Variants in CDKAL1 observed in about 807,000 individuals in gnomAD.
The protein encoded by CDKAL1 is threonylcarbamoyladenosine tRNA methylthiotransferase.
A neutral mutation model predicts 68.2 loss-of-function variants in CDKAL1; 32 were observed. The ratio of observed to expected loss-of-function variants is 0.47; its 90% CI spans 0.35 to 0.63. The LOEUF (loss-of-function observed/expected upper bound fraction) is 0.63. Among genes scored for constraint, CDKAL1 ranks in the 30% least tolerant of loss-of-function variants. The pLI is 0.00. For missense variants in CDKAL1, 606 were observed against 696.7 expected, an observed-to-expected ratio of 0.87 and a Z score of 1.47; for synonymous variants, 234 against 244.3, an observed-to-expected ratio of 0.96 and a Z score of 0.39.
chr6:21,086,978 C>A (rs1226235064), intron 12 of CDKAL1, among the ~76,000 whole-genome samples: 1 of 152,128 alleles, frequency 6.6e-6, no homozygotes, highest in Non-Finnish European at 1.5e-5. Context: ...TAAAATGGCA[C>A]CCCAAACCTC....
intron 9 of CDKAL1, among the ~76,000 whole-genome samples, chr6:20,897,415 G>A (rs1174565802): frequency 6.6e-6 from 1 of 151,972 alleles, no homozygotes; most frequent in East Asian, 1.9e-4. Flanking sequence ...TATAGCAGAG[G>A]CCTCCCAATC....
At chr6:20,889,038 T>C (rs2150575048) in intron 9 of CDKAL1, among the ~76,000 whole-genome samples, 1 of 152,280 alleles carries the variant, frequency 6.6e-6, no homozygotes, top group South Asian at 2.1e-4. Context: ...ACCTGTTGTT[T>C]CCTGACTTTT....
At chr6:20,860,933 ATTT>A (rs70990075) in intron 9 of CDKAL1, among the ~76,000 whole-genome samples, 25 of 134,170 alleles carry the variant, frequency 1.9e-4, no homozygotes, top group Non-Finnish European at 2.1e-4. Flanking sequence ...AGTGTGGTCT[ATTT>A]TTTTTTTTTT....
intron 12 of CDKAL1, among the ~76,000 whole-genome samples, chr6:21,103,535 A>G (rs1245501185): frequency 6.6e-6 from 1 of 152,176 alleles, no homozygotes; most frequent in Non-Finnish European, 1.5e-5. Context: ...AGAGGTTCAG[A>G]TTCTCGGGAA....
chr6:20,593,615 A>G (rs1321184728), intron 4 of CDKAL1, among the ~76,000 whole-genome samples: 1 of 128,790 alleles, frequency 7.8e-6, no homozygotes, highest in South Asian at 2.4e-4. Context: ...TAAAAAAAAA[A>G]AAAGAAACCC....
intron 6 of CDKAL1, chr6:20,756,910 T>TCCCTCCATC (rs1276159128): frequency 8.2e-6 from 1 of 122,212 alleles, no homozygotes; most frequent in Non-Finnish European, 1.7e-5. Context: ...CTTCCTTCCT[T>TCCCTCCATC]CCTTCCTTCC....
chr6:20,930,985 C>T (rs1268510633), intron 9 of CDKAL1, among the ~76,000 whole-genome samples: 5 of 151,908 alleles, frequency 3.3e-5, no homozygotes, highest in Non-Finnish European at 5.9e-5. Flanking sequence ...CCTCATGATC[C>T]GCCCGCCTCG....
chr6:20,686,596 A>C (rs146424996), intron 5 of CDKAL1, among the ~76,000 whole-genome samples: 24 of 152,324 alleles, frequency 1.6e-4, no homozygotes, highest in Non-Finnish European at 3.4e-4. Context: ...TAATAATAGA[A>C]ATAAAGTGCA....
intron 10 of CDKAL1, among the ~76,000 whole-genome samples, chr6:20,972,321 T>TCAGA (rs1393537830): frequency 6.6e-6 from 1 of 152,204 alleles, no homozygotes; most frequent in East Asian, 1.9e-4. Flanking sequence ...TCATGAGGCC[T>TCAGA]CAGACACAGC....
chr6:21,136,361 A>G (rs1775597738), intron 13 of CDKAL1, among the ~76,000 whole-genome samples: 1 of 152,164 alleles, frequency 6.6e-6, no homozygotes, highest in African/African-American at 2.4e-5. Context: ...GTCTTGACAC[A>G]CTCTCAGGCT....
intron 13 of CDKAL1, among the ~76,000 whole-genome samples, chr6:21,133,285 A>G (rs978375312): frequency 2.0e-5 from 3 of 152,236 alleles, no homozygotes; most frequent in South Asian, 2.1e-4. Context: ...TGTCATCAGT[A>G]CAAACATTAT....
chr6:21,120,282 T>C (rs1774641441), intron 13 of CDKAL1, among the ~76,000 whole-genome samples: 1 of 152,230 alleles, frequency 6.6e-6, no homozygotes, highest in Admixed American at 6.5e-5. Flanking sequence ...ATTTTACCAT[T>C]CTTTGAATCT....
At chr6:20,757,041 A>G (rs1774247001) in intron 6 of CDKAL1, among the ~76,000 whole-genome samples, 1 of 151,342 alleles carries the variant, frequency 6.6e-6, no homozygotes, top group South Asian at 2.1e-4. Context: ...TCAAGTTATT[A>G]TCTTGCCTCA....
rs755134720 is a variant in CDKAL1, at chr6:21,181,399, T to A, written c.1300-16622T>A. On this transcript the variant is annotated intron_variant, in intron 13 of 15. Coordinates refer to ENST00000274695, the MANE Select transcript of CDKAL1 (RefSeq NM_017774.3). ...CCCCATGAGTGAATTAATGTTGTTA[T>A]CATGGGAGTGGTTTCTTATAAAAAG... Among the ~76,000 whole-genome samples, 94 of 152,166 alleles carry A rather than the reference T, an allele frequency of 6.2e-4. 1 individual carries two copies. The highest frequency in any genetic ancestry group is 2.0e-4 in the Admixed American group (3 of 15,286).
At chr6:21,094,039 A>G (rs1562026022) in intron 12 of CDKAL1, among the ~76,000 whole-genome samples, 1 of 151,988 alleles carries the variant, frequency 6.6e-6, no homozygotes, top group Non-Finnish European at 1.5e-5. Context: ...TCCATCAAGC[A>G]TATTTTTTAA....
intron 5 of CDKAL1, among the ~76,000 whole-genome samples, chr6:20,685,419 A>G (rs754964958): frequency 2.0e-5 from 3 of 152,160 alleles, no homozygotes; most frequent in Non-Finnish European, 4.4e-5. Context: ...AGAAAGCCTT[A>G]AAGTTGAGTA....
chr6:21,068,401 GTT>G (rs1771575297), intron 12 of CDKAL1, among the ~76,000 whole-genome samples: 1 of 152,130 alleles, frequency 6.6e-6, no homozygotes, highest in Non-Finnish European at 1.5e-5. Context: ...TATGAGGTGT[GTT>G]TGGGTTTCAG....
chr6:21,029,635 GA>G (rs1391003900), intron 11 of CDKAL1, among the ~76,000 whole-genome samples: 1 of 151,922 alleles, frequency 6.6e-6, no homozygotes, highest in African/African-American at 2.4e-5. Flanking sequence ...AAATTTACAA[GA>G]AAAAAACAAA....
intron 5 of CDKAL1, among the ~76,000 whole-genome samples, chr6:20,717,248 G>T (rs1772140649): frequency 6.6e-6 from 1 of 151,952 alleles, no homozygotes; most frequent in Non-Finnish European, 1.5e-5. Flanking sequence ...CAGGGGTTGG[G>T]AAGATGTAGA....
Sources: gnomAD v4.1 joint callset for allele counts (sites outside exome capture counted in the v4.1 genomes callset) on GRCh38, gnomAD v4.1.1 for gene constraint, MANE v1.5 for transcripts, NCBI Gene and HGNC (gene_info 2026-07-23, HGNC 2026-07-21) for gene names.